The following LRMDA variants were observed in gnomAD, a reference collection of about 807,000 sequenced individuals.
LRMDA encodes the protein leucine-rich melanocyte differentiation-associated protein.
LRMDA carries 18 observed loss-of-function variants against 29.8 expected under a neutral mutation model. The observed-to-expected ratio is 0.60, with a 90% CI of 0.42 to 0.90. LRMDA has a LOEUF of 0.90. Ranked by LOEUF, LRMDA falls within the 40% of genes least tolerant of loss-of-function variation. The pLI is 0.00. For missense variants in LRMDA, 273 were observed against 273.9 expected, an observed-to-expected ratio of 1.00 and a Z score of 0.02; for synonymous variants, 125 against 109.4, an observed-to-expected ratio of 1.14 and a Z score of -0.89.
At chr10:75,829,805 A>G (rs1844307907) in intron 2 of LRMDA, among the ~76,000 whole-genome samples, 1 of 142,038 alleles carries the variant, frequency 7.0e-6, no homozygotes, top group African/African-American at 2.6e-5. Context: ...TTTGTTGTTG[A>G]GTGGATGTTG....
intron 5 of LRMDA, among the ~76,000 whole-genome samples, chr10:76,108,875 T>C (rs1053604569): frequency 6.6e-6 from 1 of 152,222 alleles, no homozygotes; most frequent in Admixed American, 6.5e-5. Flanking sequence ...TTTCTTCAAG[T>C]GCACTGTGAC....
At chr10:76,193,582 C>T (rs1339875083) in intron 5 of LRMDA, among the ~76,000 whole-genome samples, 3 of 152,084 alleles carry the variant, frequency 2.0e-5, no homozygotes, top group African/African-American at 7.2e-5. Context: ...TATCGCATAT[C>T]TCTGGGAAGA....
chr10:76,510,047 T>A (rs562909481), intron 6 of LRMDA, among the ~76,000 whole-genome samples: 1 of 152,246 alleles, frequency 6.6e-6, no homozygotes, highest in East Asian at 1.9e-4. Flanking sequence ...GTTTTATTTT[T>A]TGTTTTTCCA....
chr10:75,659,356 CCT>C (rs1554818594), intron 2 of LRMDA, among the ~76,000 whole-genome samples: 1 of 152,172 alleles, frequency 6.6e-6, no homozygotes, highest in Non-Finnish European at 1.5e-5. Flanking sequence ...CCCTCCCTTT[CCT>C]CTCTTTTTTT....
intron 2 of LRMDA, among the ~76,000 whole-genome samples, chr10:75,906,478 C>T (rs551164999): frequency 2.0e-5 from 3 of 152,234 alleles, no homozygotes; most frequent in Admixed American, 6.5e-5. Context: ...CTGTGGCCTC[C>T]GATTCCCAGC....
intron 1 of LRMDA, among the ~76,000 whole-genome samples, chr10:75,436,554 G>A (rs1384813179): frequency 2.6e-5 from 4 of 151,412 alleles, no homozygotes; most frequent in African/African-American, 9.7e-5. Context: ...TGCAAGCTCC[G>A]CCTCCAGGGT....
intron 2 of LRMDA, among the ~76,000 whole-genome samples, chr10:75,785,898 T>C (rs1843463954): frequency 6.6e-6 from 1 of 152,210 alleles, no homozygotes; most frequent in South Asian, 2.1e-4. Flanking sequence ...TATCATGGAC[T>C]TAGCCTTAAG....
At chr10:75,529,785 G>A in intron 2 of LRMDA, among the ~76,000 whole-genome samples, 1 of 152,214 alleles carries the variant, frequency 6.6e-6, no homozygotes, top group East Asian at 1.9e-4. Context: ...ATTATAGCAT[G>A]AGGAATATAA....
chr10:76,037,820 T>G (rs1455348767), intron 3 of LRMDA, among the ~76,000 whole-genome samples: 1 of 152,200 alleles, frequency 6.6e-6, no homozygotes, highest in Non-Finnish European at 1.5e-5. Context: ...TTTCAACATA[T>G]GAATTTGAGG....
chr10:75,582,572 G>A (rs1485790274), intron 2 of LRMDA, among the ~76,000 whole-genome samples: 2 of 152,202 alleles, frequency 1.3e-5, no homozygotes, highest in Admixed American at 1.3e-4. Context: ...GACCTCCTAG[G>A]CCTCCAGGAC....
chr10:75,601,096 G>A (rs1840880131), intron 2 of LRMDA: 1 of 152,182 alleles, frequency 6.6e-6, no homozygotes. Flanking sequence ...ACCTTTTGAG[G>A]ATTTTACAAA....
chr10:75,846,177 T>TGTGTG (rs1844633347), intron 2 of LRMDA, among the ~76,000 whole-genome samples: 7 of 142,972 alleles, frequency 4.9e-5, no homozygotes, highest in African/African-American at 1.3e-4. Flanking sequence ...GTGTGTGTGT[T>TGTGTG]TGTGTGTGTG....
rs1842746887 is a variant in LRMDA, at chr10:76,483,026, A to G, written c.602-74183A>G. The stretch of plus-strand genomic sequence containing the variant: ...TTTCATACATTTCTTGACCATTTAA[A>G]TTTCCTCTATTGTGAAATGGATTTT... On this transcript the variant is annotated intron_variant, in intron 6 of 6. Coordinates refer to ENST00000611255, the MANE Select transcript of LRMDA (RefSeq NM_001305581.2). Among the ~76,000 whole-genome samples the G allele has an allele frequency of 2.0e-5, 3 of 151,880 alleles. No individual in the cohort carries two copies. The South Asian group carries it at 6.2e-4, about 31-fold the overall frequency.
chr10:76,180,250 A>G (rs1851018714), intron 5 of LRMDA, among the ~76,000 whole-genome samples: 1 of 151,686 alleles, frequency 6.6e-6, no homozygotes, highest in Non-Finnish European at 1.5e-5. Flanking sequence ...GCCTCAGAAA[A>G]AGCCATGGCC....
chr10:75,542,381 CAG>C (rs1157056001), intron 2 of LRMDA, among the ~76,000 whole-genome samples: 1 of 151,978 alleles, frequency 6.6e-6, no homozygotes. Context: ...TGCACTTTCA[CAG>C]AGTTAATAAT....
intron 2 of LRMDA, among the ~76,000 whole-genome samples, chr10:75,618,960 T>C (rs1841146060): frequency 6.6e-6 from 1 of 151,952 alleles, no homozygotes; most frequent in South Asian, 2.1e-4. Flanking sequence ...TTTTTTATTT[T>C]TTATTTTTTT....
chr10:76,479,852 C>G (rs566371987), intron 6 of LRMDA, among the ~76,000 whole-genome samples: 1 of 151,960 alleles, frequency 6.6e-6, no homozygotes, highest in South Asian at 2.1e-4. Flanking sequence ...GCTTCTCATC[C>G]ATTAACTGAG....
chr10:76,151,919 A>G (rs961594125), intron 5 of LRMDA, among the ~76,000 whole-genome samples: 11 of 152,200 alleles, frequency 7.2e-5, no homozygotes, highest in Admixed American at 3.3e-4. Context: ...GTAATGTAGG[A>G]TAAAGTAGTA....
intron 6 of LRMDA, among the ~76,000 whole-genome samples, chr10:76,546,179 T>A (rs186446586): frequency 1.3e-5 from 2 of 152,210 alleles, no homozygotes; most frequent in Admixed American, 1.3e-4. Context: ...TTAAAAACAA[T>A]GTACTGCATA....
Sources: allele counts gnomAD v4.1 joint callset (sites outside exome capture counted in the v4.1 genomes callset), GRCh38; gene constraint gnomAD v4.1.1; transcripts MANE v1.5; gene names NCBI Gene and HGNC (gene_info 2026-07-23, HGNC 2026-07-21).